The following FRMD4A variants were observed in gnomAD, a reference collection of about 807,000 sequenced individuals.
FRMD4A encodes the protein FERM domain containing 4A.
A neutral mutation model predicts 129.1 loss-of-function variants in FRMD4A; 29 were observed. That is an observed-to-expected ratio of 0.22 (90% CI 0.17 to 0.31). The LOEUF is 0.31. Among genes scored for constraint, FRMD4A ranks in the 10% least tolerant of loss-of-function variants. The pLI, the probability that FRMD4A is intolerant of heterozygous loss-of-function variation, is 1.00. For missense variants in FRMD4A, 1,272 were observed against 1,375.8 expected (o/e 0.92, Z 1.19); for synonymous variants, 634 against 571.6 (o/e 1.11, Z -1.56).
At chr10:13,677,284 A>ATTCT (rs2084091106) in intron 15 of FRMD4A, among the ~76,000 whole-genome samples, 1 of 152,232 alleles carries the variant, frequency 6.6e-6, no homozygotes, top group African/African-American at 2.4e-5. Context: ...GCAGAAACAT[A>ATTCT]CTATCATTAT....
chr10:14,260,838 C>T (rs1156970995), intron 2 of FRMD4A, among the ~76,000 whole-genome samples: 1 of 152,196 alleles, frequency 6.6e-6, no homozygotes, highest in Non-Finnish European at 1.5e-5. Context: ...CTGGATGCTT[C>T]CCCAAGGACC....
chr10:13,660,459 GGGA>G lies in FRMD4A; in HGVS notation c.1752_1754del (p.Pro585del), dbSNP rs772535065. 1.2e-6 allele frequency: 2 copies of G among 1,613,220 alleles called. No individual in the cohort carries two copies. The highest frequency in any genetic ancestry group is 1.7e-6 in the Non-Finnish European group (2 of 1,179,128). On this transcript the variant is annotated inframe_deletion, in exon 20 of 25. Transcript: ENST00000357447. ...TCTGTCGGAGTCCCTCCAGGGACTG[GGGA>G]GGAGGAGGCCTGTTGTGCGACGGTG...
chr10:14,019,221 G>GA (rs958828890), intron 2 of FRMD4A, among the ~76,000 whole-genome samples: 25 of 149,744 alleles, frequency 1.7e-4, no homozygotes, highest in Non-Finnish European at 2.7e-4. Flanking sequence ...TCTCAAAAAA[G>GA]AAAAAAAAAG....
At chr10:13,763,818 C>T (rs1473139218) in intron 6 of FRMD4A, among the ~76,000 whole-genome samples, 1 of 152,120 alleles carries the variant, frequency 6.6e-6, no homozygotes, top group African/African-American at 2.4e-5. Flanking sequence ...TCACTGCAAC[C>T]TCCTCCTCCC....
At chr10:13,750,371 T>C (rs1055949722) in intron 8 of FRMD4A, among the ~76,000 whole-genome samples, 12 of 152,102 alleles carry the variant, frequency 7.9e-5, no homozygotes, top group Admixed American at 3.9e-4. Flanking sequence ...TTGTAGAGGA[T>C]ATAAAAAATG....
intron 2 of FRMD4A, among the ~76,000 whole-genome samples, chr10:14,268,910 C>T (rs1845069622): frequency 6.6e-6 from 1 of 152,180 alleles, no homozygotes; most frequent in Non-Finnish European, 1.5e-5. Context: ...AGGAAAATCT[C>T]CCCATATTTA....
intron 3 of FRMD4A, among the ~76,000 whole-genome samples, chr10:13,843,969 A>G (rs2130985477): frequency 6.6e-6 from 1 of 152,326 alleles, no homozygotes; most frequent in South Asian, 2.1e-4. Context: ...ACTGTGTGGA[A>G]AGATTATAAT....
chr10:14,143,605 TTTGTTG>T (rs568244806), intron 2 of FRMD4A, among the ~76,000 whole-genome samples: 1 of 152,086 alleles, frequency 6.6e-6, no homozygotes, highest in Non-Finnish European at 1.5e-5. Flanking sequence ...ACAATAGTTT[TTTGTTG>T]TTGTTGTTGT....
chr10:14,087,929 G>T (rs1211744673), intron 2 of FRMD4A, among the ~76,000 whole-genome samples: 2 of 152,160 alleles, frequency 1.3e-5, no homozygotes, highest in Admixed American at 1.3e-4. Context: ...AGCGGCTTCT[G>T]CTGGATACTA....
At chr10:14,038,066 T>C (rs968466203) in intron 2 of FRMD4A, among the ~76,000 whole-genome samples, 16 of 152,208 alleles carry the variant, frequency 1.1e-4, no homozygotes, top group African/African-American at 3.9e-4. Context: ...CTCACGCCAG[T>C]AATCCCAGCA....
intron 4 of FRMD4A, among the ~76,000 whole-genome samples, chr10:13,809,563 C>G (rs2093412183): frequency 6.6e-6 from 1 of 152,286 alleles, no homozygotes; most frequent in Admixed American, 6.5e-5. Context: ...AGCCCTGAAC[C>G]TTTCCCAGCT....
chr10:13,876,827 A>G (rs986387735), intron 2 of FRMD4A, among the ~76,000 whole-genome samples: 3 of 151,630 alleles, frequency 2.0e-5, no homozygotes, highest in Admixed American at 6.6e-5. Context: ...ATATATTTAA[A>G]TAGCATATAT....
chr10:13,874,958 G>A (rs751221781), intron 2 of FRMD4A, among the ~76,000 whole-genome samples: 7 of 152,134 alleles, frequency 4.6e-5, no homozygotes, highest in Non-Finnish European at 1.0e-4. Context: ...CTACAGGGGT[G>A]AGTATAAGAT....
In FRMD4A at chr10:13,689,160, C is replaced by CT. The variant is rs996151756; in HGVS notation, c.1117+4737dup. 1.9e-4 allele frequency among the ~76,000 whole-genome samples: 25 copies of CT among 131,852 alleles called. No homozygotes were observed. In the East Asian group the frequency reaches 2.3e-3, roughly 12 times the overall value. 86.5% of individuals were successfully genotyped at this position (131,852 alleles called of 152,430 possible). A position where few individuals can be genotyped will look rare whatever the true frequency, so the allele number is the denominator to read the frequency against. On this transcript the variant is annotated intron_variant, in intron 15 of 24. Coordinates refer to ENST00000357447, the MANE Select transcript of FRMD4A (RefSeq NM_018027.5). The stretch of plus-strand genomic sequence containing the variant: ...CTAATAGTTTAGAAACATTTTACGT[C>CT]TTTTTTTTAAATCAATGAGCAGTAC...
intron 5 of FRMD4A, among the ~76,000 whole-genome samples, chr10:13,784,426 C>T (rs772294957): frequency 9.2e-5 from 14 of 152,192 alleles, no homozygotes; most frequent in South Asian, 2.1e-4. Flanking sequence ...AGACCAACAT[C>T]GTATAAGGTG....
At chr10:14,322,549 T>C (rs984039120) in intron 2 of FRMD4A, among the ~76,000 whole-genome samples, 2 of 152,194 alleles carry the variant, frequency 1.3e-5, no homozygotes, top group Non-Finnish European at 1.5e-5. Context: ...GTGTGCATGA[T>C]GTACTTGGAA....
chr10:14,147,233 C>G (rs892451270), intron 2 of FRMD4A, among the ~76,000 whole-genome samples: 2 of 152,114 alleles, frequency 1.3e-5, no homozygotes, highest in Non-Finnish European at 2.9e-5. Flanking sequence ...GGGAGGGGGT[C>G]AGACAGTTCA....
chr10:14,057,606 T>C (rs1248482924), intron 2 of FRMD4A, among the ~76,000 whole-genome samples: 1 of 152,086 alleles, frequency 6.6e-6, no homozygotes, highest in East Asian at 1.9e-4. Context: ...GATTCACACT[T>C]GTTGCCCAGG....
chr10:14,084,192 G>A (rs148195256), intron 2 of FRMD4A, among the ~76,000 whole-genome samples: 18 of 152,292 alleles, frequency 1.2e-4, no homozygotes, highest in African/African-American at 4.3e-4. Context: ...TGTTGCCCGG[G>A]CTGGAGTGCA....
Sources: allele counts gnomAD v4.1 joint callset (sites outside exome capture counted in the v4.1 genomes callset), GRCh38; gene constraint gnomAD v4.1.1; transcripts MANE v1.5; gene names NCBI Gene and HGNC (gene_info 2026-07-23, HGNC 2026-07-21).